Variants in DZIP3 observed in about 807,000 individuals in gnomAD.
DZIP3 encodes the protein E3 ubiquitin-protein ligase DZIP3.
A neutral mutation model predicts 162.0 loss-of-function variants in DZIP3; 118 were observed. That is an observed-to-expected ratio of 0.73 (90% confidence interval 0.63 to 0.85). The LOEUF is 0.85. DZIP3 is among the 40% of genes least tolerant of loss of function. DZIP3 has a pLI of 0.00. For synonymous variants in DZIP3, 438 were observed against 458.6 expected, an observed-to-expected ratio of 0.96 and a Z score of 0.57; for missense variants, 1,331 against 1,407.0, an observed-to-expected ratio of 0.95 and a Z score of 0.86.
At chr3:108,659,361 A>G (rs1314727496) in intron 19 of DZIP3, among the ~76,000 whole-genome samples, 3 of 152,086 alleles carry the variant, frequency 2.0e-5, no homozygotes, top group Non-Finnish European at 2.9e-5. Flanking sequence ...TAAATCCAGC[A>G]TATAAACAGA....
chr3:108,634,399 A>T (rs1032277874), intron 9 of DZIP3, among the ~76,000 whole-genome samples: 8 of 152,160 alleles, frequency 5.3e-5, no homozygotes, highest in Non-Finnish European at 1.0e-4. Flanking sequence ...GTACAGTGGG[A>T]AAGACAAGCA....
chr3:108,679,442 A>G (rs1164621984), intron 26 of DZIP3, among the ~76,000 whole-genome samples: 1 of 152,130 alleles, frequency 6.6e-6, no homozygotes, highest in African/African-American at 2.4e-5. Context: ...GTGGTAATTT[A>G]TAAGCATCCT....
intron 1 of DZIP3, among the ~76,000 whole-genome samples, chr3:108,602,651 G>T (rs763399223): frequency 1.3e-5 from 2 of 152,110 alleles, no homozygotes; most frequent in African/African-American, 4.8e-5. Context: ...TCATGTTAAC[G>T]CTTTCTTAAA....
chr3:108,594,404 TCCCCCCTCCC>T (rs1939596054), intron 1 of DZIP3, among the ~76,000 whole-genome samples: 2 of 126,066 alleles, frequency 1.6e-5, no homozygotes, highest in Admixed American at 8.0e-5. Context: ...TCTCTCTCTC[TCCCCCCTCCC>T]CTCCCCCCTC....
chr3:108,671,723 T>C (rs9815855), intron 22 of DZIP3, among the ~76,000 whole-genome samples: 2,900 of 149,404 alleles, frequency 0.019, 101 homozygotes, highest in African/African-American at 0.067. Context: ...GTAGAACTTA[T>C]TAATCATGAT....
intron 7 of DZIP3, among the ~76,000 whole-genome samples, chr3:108,628,516 TA>T (rs1347681791): frequency 6.6e-6 from 1 of 152,232 alleles, no homozygotes; most frequent in East Asian, 1.9e-4. Flanking sequence ...GCCTTATGTC[TA>T]GAGGAGGTTC....
intron 22 of DZIP3, among the ~76,000 whole-genome samples, chr3:108,670,154 T>C (rs1041808301): frequency 6.6e-6 from 1 of 151,962 alleles, no homozygotes; most frequent in Non-Finnish European, 1.5e-5. Flanking sequence ...TGAAATCCAT[T>C]TCATACAGCA....
intron 8 of DZIP3, among the ~76,000 whole-genome samples, chr3:108,631,081 T>TCTCC (rs1941861213): frequency 7.0e-6 from 1 of 143,672 alleles, no homozygotes; most frequent in Non-Finnish European, 1.5e-5. Context: ...TCTCTCTCTC[T>TCTCC]CTCTCTCTCT....
intron 25 of DZIP3, 83 bp downstream of exon 25, chr3:108,675,956 T>G: frequency 8.5e-7 from 1 of 1,183,386 alleles, no homozygotes; most frequent in South Asian, 1.4e-5. Flanking sequence ...TAGAAAAATT[T>G]AAGGAAGAAC....
intron 1 of DZIP3, among the ~76,000 whole-genome samples, chr3:108,599,597 A>T (rs1213711774): frequency 1.3e-5 from 2 of 152,228 alleles, no homozygotes; most frequent in African/African-American, 4.8e-5. Context: ...ATAGTGCTGT[A>T]ACCACAGAAC....
At chr3:108,590,503 T>C (rs1177594901) in intron 1 of DZIP3, among the ~76,000 whole-genome samples, 1 of 152,234 alleles carries the variant, frequency 6.6e-6, no homozygotes, top group African/African-American at 2.4e-5. Flanking sequence ...TAAAAATCTT[T>C]GGGTAGCTTG....
Position 108,672,651 on chromosome 3 carries a change from G to A in DZIP3, c.2584G>A (p.Ala862Thr). 1 of 1,611,256 alleles carries A rather than the reference G, an allele frequency of 6.2e-7. No individual in the cohort carries two copies. The highest frequency in any genetic ancestry group is 2.2e-5 in the East Asian group (1 of 44,772). ...LNAETSRALT[A>T]EVYFLQCRRD... ...CGCAGAAACTAGCAGAGCTTTAACA[G>A]CCGAGGTAACAACAAAACGGGGACA... Residue 862 changes from alanine (A) to threonine (T), a missense_variant, in exon 23 of 33, where the codon GCC (alanine) becomes ACC (threonine). Coordinates refer to ENST00000361582, the MANE Select transcript of DZIP3 (RefSeq NM_014648.4).
chr3:108,655,471 G>A (rs897700126), intron 19 of DZIP3, among the ~76,000 whole-genome samples: 5 of 152,152 alleles, frequency 3.3e-5, no homozygotes, highest in Admixed American at 6.6e-5. Flanking sequence ...AACAATAAAA[G>A]CGTTACCCTT....
chr3:108,687,846 A>T, intron 28 of DZIP3, 130 bp from the exon 29 acceptor site: 1 of 1,187,026 alleles, frequency 8.4e-7, no homozygotes, highest in Non-Finnish European at 1.2e-6. Context: ...TAGATCAAAG[A>T]CCTAAAGAGT....
chr3:108,627,214 T>A (rs1941627799), intron 7 of DZIP3, among the ~76,000 whole-genome samples: 1 of 152,226 alleles, frequency 6.6e-6, no homozygotes, highest in Admixed American at 6.5e-5. Flanking sequence ...CTGCTGTCCT[T>A]CCTCAGATGT....
rs1941507659 is a variant in DZIP3 at position 108,624,521 on chromosome 3, A to G, written c.453A>G (p.Lys151=). 1.9e-6 allele frequency: 3 copies of G among 1,547,044 alleles called. No individual in the cohort carries two copies. Among genetic ancestry groups the G allele is most frequent in the African/African-American group, 2.7e-5 (2 of 72,928 alleles). ...TAGCACTCACTGAAAGAGGAAAGAA[A>G]GAGGTATGTAACATGTTATTTGCCC... ...YGVALTERGK[K]EDYTEAENKF... is the part of the protein sequence containing the mutation. The change falls in exon 6 of 33, where the codon AAA becomes AAG. Residue 151 remains lysine (K), a synonymous_variant. Coordinates refer to ENST00000361582, the MANE Select transcript of DZIP3 (RefSeq NM_014648.4).
chr3:108,690,729 A>G (rs1255493696), intron 31 of DZIP3, 58 bp from the exon 32 acceptor site: 9 of 1,502,394 alleles, frequency 6.0e-6, no homozygotes, highest in Admixed American at 1.7e-5. Flanking sequence ...GCATAGAGTG[A>G]CAACTGCCTC....
intron 1 of DZIP3, among the ~76,000 whole-genome samples, chr3:108,591,761 G>A (rs1468096831): frequency 1.3e-5 from 2 of 152,116 alleles, no homozygotes; most frequent in African/African-American, 4.8e-5. Context: ...TTTTTTGGGA[G>A]ACTAAGGCAG....
At chr3:108,614,448 C>T (rs1466269388) in intron 4 of DZIP3, among the ~76,000 whole-genome samples, 1 of 152,236 alleles carries the variant, frequency 6.6e-6, no homozygotes, top group East Asian at 1.9e-4. Context: ...TTATTTAATT[C>T]AACCTGGGAT....
Sources: gnomAD v4.1 joint callset for allele counts (sites outside exome capture counted in the v4.1 genomes callset) on GRCh38, gnomAD v4.1.1 for gene constraint, MANE v1.5 for transcripts, NCBI Gene and HGNC (gene_info 2026-07-23, HGNC 2026-07-21) for gene names.